Variants in CNGB3 observed in about 807,000 individuals in gnomAD.
CNGB3 encodes cyclic nucleotide-gated channel beta-3.
Under a neutral mutation model 92.8 loss-of-function variants are expected in CNGB3, and 86 were observed. The ratio of observed to expected loss-of-function variants is 0.93; its 90% CI spans 0.78 to 1.11. The LOEUF (loss-of-function observed/expected upper bound fraction) is 1.11. CNGB3 is among the 50% of genes least tolerant of loss of function. The probability of loss-of-function intolerance (pLI) is 0.00; values close to 1 mark genes in which losing one functional copy is unlikely to be tolerated. For missense variants in CNGB3, 1,026 were observed against 956.8 expected (o/e 1.07, Z -0.95); for synonymous variants, 333 against 332.7 (o/e 1.00, Z -0.01).
chr8:86,709,874 G>A (rs1324605007), intron 3 of CNGB3, among the ~76,000 whole-genome samples: 1 of 152,056 alleles, frequency 6.6e-6, no homozygotes, highest in Non-Finnish European at 1.5e-5. Context: ...ATATGTATAT[G>A]TTTTCACTTT....
chr8:86,743,440 C>T, intron 1 of CNGB3, 59 bp downstream of exon 1: 1 of 1,598,542 alleles, frequency 6.3e-7, no homozygotes, highest in Non-Finnish European at 8.6e-7. Context: ...TGATTAAATG[C>T]TATTACCAGA....
intron 3 of CNGB3, among the ~76,000 whole-genome samples, chr8:86,695,637 C>G (rs2131642857): frequency 6.6e-6 from 1 of 152,188 alleles, no homozygotes; most frequent in East Asian, 1.9e-4. Context: ...GCTTAATAAT[C>G]AACCTTCTGA....
Position 86,575,959 on chromosome 8 carries a change from T to G in CNGB3, c.2275A>C (p.Ser759Arg), listed in dbSNP as rs2131529349. 3.7e-6 allele frequency: 6 copies of G among 1,614,194 alleles called. No homozygotes were observed. Among genetic ancestry groups the G allele is most frequent in the Non-Finnish European group, 5.1e-6 (6 of 1,180,034 alleles). The change falls in exon 18 of 18, where the codon AGT becomes CGT. Residue 759 changes from serine (S) to arginine (R), a missense_variant. Physicochemically the swap from Ser to Arg is moderately radical, Grantham distance 110. Transcript: ENST00000320005. Reference protein sequence around the residue: ...KPLDRPECTASPIAVEEEPHS... With the variant: ...KPLDRPECTARPIAVEEEPHS... ...GGTTCTTCCTCCACTGCAATAGGAC[T>G]TGCTGTACATTCAGGTCTGTCCAGT...
intron 3 of CNGB3, among the ~76,000 whole-genome samples, chr8:86,703,087 A>G (rs1824584495): frequency 6.6e-6 from 1 of 152,162 alleles, no homozygotes; most frequent in Non-Finnish European, 1.5e-5. Flanking sequence ...TTTACCATCT[A>G]ACACCATTTT....
At chr8:86,706,464 A>G (rs1165033877) in intron 3 of CNGB3, among the ~76,000 whole-genome samples, 1 of 152,238 alleles carries the variant, frequency 6.6e-6, no homozygotes, top group African/African-American at 2.4e-5. Flanking sequence ...AAAGCACTGT[A>G]TTGAGCTCCA....
chr8:86,589,330 C>G (rs926732087), intron 15 of CNGB3, among the ~76,000 whole-genome samples: 2 of 149,994 alleles, frequency 1.3e-5, no homozygotes, highest in South Asian at 2.1e-4. Context: ...TTTTGTGTCT[C>G]TATTTCCTTC....
intron 14 of CNGB3, among the ~76,000 whole-genome samples, chr8:86,607,883 A>G (rs889643331): frequency 8.5e-5 from 13 of 152,210 alleles, no homozygotes; most frequent in Admixed American, 2.6e-4. Context: ...ATATTTTGTG[A>G]AAACGATAAG....
chr8:86,608,301 C>T (rs998844493), intron 14 of CNGB3, among the ~76,000 whole-genome samples: 6 of 152,194 alleles, frequency 3.9e-5, no homozygotes, highest in African/African-American at 9.6e-5. Flanking sequence ...GACAAGAGTG[C>T]GAGCCTTCTG....
intron 4 of CNGB3, among the ~76,000 whole-genome samples, chr8:86,670,584 T>A (rs1028329812): frequency 6.6e-6 from 1 of 151,972 alleles, no homozygotes; most frequent in Non-Finnish European, 1.5e-5. Flanking sequence ...TTTCTTTTTT[T>A]TAATTAAAAA....
intron 3 of CNGB3, among the ~76,000 whole-genome samples, chr8:86,705,040 A>C (rs1460991862): frequency 6.6e-6 from 1 of 152,146 alleles, no homozygotes; most frequent in Non-Finnish European, 1.5e-5. Flanking sequence ...AATTAATGTA[A>C]ATTAGCATGT....
intron 12 of CNGB3, among the ~76,000 whole-genome samples, chr8:86,627,603 C>A (rs902865005): frequency 2.0e-5 from 3 of 152,176 alleles, no homozygotes; most frequent in African/African-American, 7.2e-5. Flanking sequence ...ATGGTAAGAA[C>A]AAACTAAAAG....
intron 3 of CNGB3, among the ~76,000 whole-genome samples, chr8:86,672,388 C>T (rs796119825): frequency 2.6e-5 from 4 of 152,168 alleles, no homozygotes; most frequent in African/African-American, 4.8e-5. Context: ...CTTGAGCCTC[C>T]GTCCCCAGCC....
chr8:86,585,070 A>C (rs1821865792), intron 15 of CNGB3, among the ~76,000 whole-genome samples: 1 of 152,192 alleles, frequency 6.6e-6, no homozygotes, highest in African/African-American at 2.4e-5. Flanking sequence ...ATCTTTAAGA[A>C]GAAATAGTAC....
At chr8:86,715,279 G>A (rs1378537572) in intron 3 of CNGB3, among the ~76,000 whole-genome samples, 1 of 152,074 alleles carries the variant, frequency 6.6e-6, no homozygotes, top group African/African-American at 2.4e-5. Flanking sequence ...CCAAAGACCT[G>A]CACAGAGTCC....
Position 86,627,652 on chromosome 8 carries a change from C to T in CNGB3, c.1480+1267G>A, listed in dbSNP as rs112495361. On this transcript the variant is annotated intron_variant, in intron 12 of 17. Transcript: ENST00000320005. Reference sequence around the variant, plus strand: ...TTGTCAACTAGCAGTGCATTATCTTCGACTTATTTTATATCCCTCAGTAAC... The same window carrying T: ...TTGTCAACTAGCAGTGCATTATCTTTGACTTATTTTATATCCCTCAGTAAC... Among the ~76,000 whole-genome samples, 126 of 152,264 alleles carry T rather than the reference C, an allele frequency of 8.3e-4. 1 individual carries two copies. The South Asian group carries it at 0.011, about 14-fold the overall frequency.
rs866155528 is a variant in CNGB3 at position 86,678,716 on chromosome 8, C to G, written c.339-7618G>C. Reference sequence around the variant, plus strand: ...CCCAAAAATGTAATGGTACCTAACCCTGTTTAAAGTTAGTCAACCATTTTA... The same window carrying G: ...CCCAAAAATGTAATGGTACCTAACCGTGTTTAAAGTTAGTCAACCATTTTA... On this transcript the variant is annotated intron_variant, in intron 3 of 17. Coordinates refer to ENST00000320005, the MANE Select transcript of CNGB3 (RefSeq NM_019098.5). Among the ~76,000 whole-genome samples the G allele has an allele frequency of 7.9e-5, 12 of 152,056 alleles. No individual in the cohort carries two copies. In the South Asian group the frequency reaches 1.2e-3, roughly 16 times the overall value.
chr8:86,593,269 A>T (rs920009473), intron 15 of CNGB3, among the ~76,000 whole-genome samples: 2 of 152,080 alleles, frequency 1.3e-5, no homozygotes, highest in Admixed American at 6.5e-5. Context: ...GAAAGAGGAG[A>T]AAAAGGATAA....
intron 3 of CNGB3, among the ~76,000 whole-genome samples, chr8:86,724,314 G>C (rs1825020986): frequency 6.6e-6 from 1 of 152,070 alleles, no homozygotes. Flanking sequence ...CATTATCTTT[G>C]CAATATGCTA....
chr8:86,584,555 A>G lies in CNGB3; in HGVS notation c.1782-5303T>C, dbSNP rs552100305. ...GGATTTTGCCCAAACTCTTTCAGCA[A>G]TGTTTAAAATAGCATCTTTTTTTTT... On this transcript the variant is annotated intron_variant, in intron 15 of 17. Transcript: ENST00000320005. Among the ~76,000 whole-genome samples the G allele has an allele frequency of 4.9e-5, 7 of 143,800 alleles. No individual in the cohort carries two copies. In the South Asian group the frequency reaches 1.2e-3, roughly 24 times the overall value. 94.3% of individuals were successfully genotyped at this position (143,800 alleles called of 152,430 possible). A position where few individuals can be genotyped will look rare whatever the true frequency, so the allele number is the denominator to read the frequency against.
Sources: allele counts gnomAD v4.1 joint callset (sites outside exome capture counted in the v4.1 genomes callset), GRCh38; gene constraint gnomAD v4.1.1; transcripts MANE v1.5; gene names NCBI Gene and HGNC (gene_info 2026-07-23, HGNC 2026-07-21).